PGPEP1: variants seen among roughly 807,000 people sequenced by gnomAD.
PGPEP1 encodes pyroglutamyl-peptidase I.
A neutral mutation model predicts 24.1 loss-of-function variants in PGPEP1; 15 were observed. That is an observed-to-expected ratio of 0.62 (90% CI 0.42 to 0.96). The LOEUF (loss-of-function observed/expected upper bound fraction) is 0.96. Ranked by LOEUF, PGPEP1 falls within the 40% of genes least tolerant of loss-of-function variation. The probability of loss-of-function intolerance (pLI) is 0.00; values close to 1 mark genes in which losing one functional copy is unlikely to be tolerated. For synonymous variants in PGPEP1, 122 were observed against 116.4 expected, an observed-to-expected ratio of 1.05 and a Z score of -0.31; for missense variants, 242 against 273.4, an observed-to-expected ratio of 0.89 and a Z score of 0.81.
At position 18,348,547 on chromosome 19, in the gene PGPEP1, C is replaced by G. The variant is rs909390199; in HGVS notation, c.87+5636C>G. On this transcript the variant is annotated intron_variant, in intron 2 of 4. Transcript: ENST00000269919. ...TGTGGGACTTGGGGTGCCCTGCCCC[C>G]CTTCTCCCGGAGGAGAACCATCCAA... 3.9e-5 allele frequency among the ~76,000 whole-genome samples: 6 copies of G among 152,098 alleles called. No homozygotes were observed. In the South Asian group the frequency reaches 8.3e-4, roughly 21 times the overall value.
At chr19:18,344,784 G>T (rs932635043) in intron 2 of PGPEP1, among the ~76,000 whole-genome samples, 3 of 152,100 alleles carry the variant, frequency 2.0e-5, no homozygotes, top group Admixed American at 6.6e-5. Flanking sequence ...CCTTCACGGG[G>T]CTGAGTGGAC....
chr19:18,352,775 C>T (rs1352344913), intron 2 of PGPEP1, among the ~76,000 whole-genome samples: 7 of 151,986 alleles, frequency 4.6e-5, no homozygotes, highest in Non-Finnish European at 1.0e-4. Context: ...AGGGTAGTCT[C>T]GAACTCCTGA....
chr19:18,354,477 A>G (rs1204576421), intron 2 of PGPEP1, among the ~76,000 whole-genome samples: 1 of 152,122 alleles, frequency 6.6e-6, no homozygotes, highest in Non-Finnish European at 1.5e-5. Flanking sequence ...CCTGGGTGAC[A>G]GAGTGAGACT....
intron 4 of PGPEP1, among the ~76,000 whole-genome samples, chr19:18,360,412 A>G (rs1421088855): frequency 6.6e-6 from 1 of 152,174 alleles, no homozygotes; most frequent in Non-Finnish European, 1.5e-5. Context: ...GCTAGAGTGC[A>G]GTGGCAAAAT....
intron 2 of PGPEP1, among the ~76,000 whole-genome samples, chr19:18,353,771 T>C (rs901506583): frequency 6.6e-6 from 1 of 152,226 alleles, no homozygotes; most frequent in Non-Finnish European, 1.5e-5. Context: ...CTTCTCTCAC[T>C]CAGCATCATG....
In PGPEP1 at chr19:18,363,384, G is replaced by A. The variant is rs750067562; in HGVS notation, c.438-7G>A. On this transcript the variant is annotated splice_region_variant and splice_polypyrimidine_tract_variant and intron_variant, in intron 4 of 4. Transcript: ENST00000269919. ...CTCTCTCTTACCCGCCACGCCCTGCGGCTTAGATATCTCTGCGACTTTACC... is the reference window on the plus strand; with the variant it reads ...CTCTCTCTTACCCGCCACGCCCTGCAGCTTAGATATCTCTGCGACTTTACC... The A allele has an allele frequency of 1.3e-5, 21 of 1,599,152 alleles. No homozygotes were observed. Among genetic ancestry groups the A allele is most frequent in the African/African-American group, 6.7e-5 (5 of 74,632 alleles).
At chr19:18,349,467 T>C (rs575838084) in intron 2 of PGPEP1, among the ~76,000 whole-genome samples, 51 of 152,286 alleles carry the variant, frequency 3.3e-4, no homozygotes, top group Non-Finnish European at 6.3e-4. Context: ...TGACCCTATT[T>C]TTCTGAATAC....
intron 2 of PGPEP1, 84 bp downstream of exon 2, chr19:18,342,995 A>G: frequency 9.5e-7 from 1 of 1,057,122 alleles, no homozygotes; most frequent in Non-Finnish European, 1.4e-6. Context: ...GTCCCCTTTT[A>G]ACAAAAACTT....
At chr19:18,340,749 G>A in intron 1 of PGPEP1, 34 bp downstream of exon 1, 1 of 1,432,602 alleles carries the variant, frequency 7.0e-7, no homozygotes, top group Non-Finnish European at 9.2e-7. Context: ...AGCGGCAGCG[G>A]CCGGGGGCAG....
chr19:18,340,856 A>T, intron 1 of PGPEP1, 141 bp downstream of exon 1: 1 of 593,296 alleles, frequency 1.7e-6, no homozygotes, highest in East Asian at 3.5e-5. Context: ...AGCCCCGCGC[A>T]GCCCAGGCTT....
At chr19:18,346,924 G>A (rs1270548579) in intron 2 of PGPEP1, among the ~76,000 whole-genome samples, 1 of 151,794 alleles carries the variant, frequency 6.6e-6, no homozygotes, top group African/African-American at 2.4e-5. Context: ...ACAGGTGTGA[G>A]CCACCGCACC....
chr19:18,363,038 TG>T (rs2144582494), intron 4 of PGPEP1, among the ~76,000 whole-genome samples: 1 of 135,040 alleles, frequency 7.4e-6, no homozygotes, highest in African/African-American at 3.2e-5. Flanking sequence ...TTTGTTTGTG[TG>T]TGTGTGTGTG....
At chr19:18,358,702 G>A (rs1300878110) in intron 4 of PGPEP1, among the ~76,000 whole-genome samples, 3 of 151,770 alleles carry the variant, frequency 2.0e-5, no homozygotes, top group Admixed American at 6.6e-5. Flanking sequence ...TGCAACCTCC[G>A]CCTCCTGGCT....
chr19:18,347,118 A>G (rs573772160), intron 2 of PGPEP1, among the ~76,000 whole-genome samples: 1 of 149,930 alleles, frequency 6.7e-6, no homozygotes, highest in East Asian at 2.0e-4. Flanking sequence ...GTGGAGTTCA[A>G]TGGTCGATTG....
chr19:18,346,976 G>A (rs540112649), intron 2 of PGPEP1, among the ~76,000 whole-genome samples: 279 of 150,708 alleles, frequency 1.9e-3, no homozygotes, highest in Non-Finnish European at 2.4e-3. Context: ...TCTCCCTCTC[G>A]TCTCTTTCTG....
At chr19:18,343,536 G>GC in intron 2 of PGPEP1, among the ~76,000 whole-genome samples, 1 of 152,102 alleles carries the variant, frequency 6.6e-6, no homozygotes, top group Non-Finnish European at 1.5e-5. Context: ...CCTCAGAAGT[G>GC]CCCCAGGCCC....
intron 2 of PGPEP1, among the ~76,000 whole-genome samples, chr19:18,343,786 G>A (rs982847626): frequency 2.0e-5 from 3 of 148,306 alleles, no homozygotes; most frequent in African/African-American, 5.0e-5. Context: ...GGGTTCAAGC[G>A]ATTCTCCTGC....
In PGPEP1 at chr19:18,363,494, C is replaced by T. The variant is rs1971415730; in HGVS notation, c.541C>T (p.Leu181=). 3 of 1,614,194 alleles carry T rather than the reference C, an allele frequency of 1.9e-6. No individual in the cohort carries two copies. The highest frequency in any genetic ancestry group is 4.5e-5 in the East Asian group (2 of 44,884). Residue 181 remains leucine, a synonymous_variant, in exon 5 of 5, where the codon CTG becomes TTG. Coordinates refer to ENST00000269919, the MANE Select transcript of PGPEP1 (RefSeq NM_017712.4). Reference sequence around the variant, plus strand: ...GGGGAAGCCGTACAACGCGGACCAGCTGGGCAGGGCACTGAGAGCCATCAT... The same window carrying T: ...GGGGAAGCCGTACAACGCGGACCAGTTGGGCAGGGCACTGAGAGCCATCAT... ...PLGKPYNADQ[L]GRALRAIIEE...
At chr19:18,346,022 CCAAGGGCCAGGT>C (rs950466763) in intron 2 of PGPEP1, among the ~76,000 whole-genome samples, 2 of 48 alleles carry the variant, frequency 0.042, no homozygotes, top group African/African-American at 0.11. Flanking sequence ...ATGTGCACCC[CCAAGGGCCAGGT>C]CAAGATCTCG....
Sources: gnomAD v4.1 joint callset for allele counts (sites outside exome capture counted in the v4.1 genomes callset) on GRCh38, gnomAD v4.1.1 for gene constraint, MANE v1.5 for transcripts, NCBI Gene and HGNC (gene_info 2026-07-23, HGNC 2026-07-21) for gene names.